Variants in SLC7A10 observed in about 807,000 individuals in gnomAD.
SLC7A10 encodes the protein solute carrier family 7 member 10, also known as asc-type amino acid transporter 1.
Under a neutral mutation model 52.7 loss-of-function variants are expected in SLC7A10, and 30 were observed. The ratio of observed to expected loss-of-function variants is 0.57; its 90% CI spans 0.43 to 0.77. The LOEUF (loss-of-function observed/expected upper bound fraction) is 0.77, where lower values mean the gene tolerates loss of function less well. Among genes scored for constraint, SLC7A10 ranks in the 30% least tolerant of loss-of-function variants. The pLI, the probability that SLC7A10 is intolerant of heterozygous loss-of-function variation, is 0.00. For missense variants in SLC7A10, 581 were observed against 698.5 expected, an observed-to-expected ratio of 0.83 and a Z score of 1.90; for synonymous variants, 318 against 314.9, an observed-to-expected ratio of 1.01 and a Z score of -0.10.
chr19:33,211,387 C>T (rs1361241359), intron 6 of SLC7A10, 27 bp downstream of exon 6: 7 of 1,613,494 alleles, frequency 4.3e-6, no homozygotes, highest in Non-Finnish European at 5.9e-6. Flanking sequence ...TGGGCAGGAG[C>T]CAGGGACCGA....
chr19:33,211,573 C>T (rs1974555537), intron 5 of SLC7A10, 36 bp from the exon 6 acceptor site: 2 of 1,612,608 alleles, frequency 1.2e-6, no homozygotes, highest in Non-Finnish European at 1.7e-6. Flanking sequence ...AGCGTCAGCT[C>T]CTGAGGGTGC....
chr19:33,210,612 C>T lies in SLC7A10; in HGVS notation c.1118G>A (p.Gly373Glu). 6.2e-7 allele frequency: 1 copy of T among 1,611,524 alleles called. No individual in the cohort carries two copies. Among genetic ancestry groups the T allele is most frequent in the Non-Finnish European group, 8.5e-7 (1 of 1,179,942 alleles). ...TPIPALLVCCGATAVIMLVGD... is the reference protein window; with the variant it reads ...TPIPALLVCCEATAVIMLVGD... The stretch of plus-strand genomic sequence containing the variant: ...CACGAGCATGATGACGGCTGTGGCC[C>T]CGCACTGGGAGAGGACCTGGGGCTG... Residue 373 changes from glycine to glutamate, a missense_variant, in exon 9 of 11, where the codon GGG becomes GAG. Coordinates refer to ENST00000253188, the MANE Select transcript of SLC7A10 (RefSeq NM_019849.3). The surrounding 1 kb of genome is among the most constrained non-coding windows in gnomAD (Gnocchi z 5.6).
rs546022981 is a variant in SLC7A10 at position 33,212,841 on chromosome 19, G to T, written c.508+10C>A. On this transcript the variant is annotated intron_variant, in intron 3 of 10. Transcript: ENST00000253188. ...TGATCTGGGGACAGTGGGCCAAAGG[G>T]GATGCTTACTCAGGCAGGCCATGGA... 6.2e-7 allele frequency: 1 copy of T among 1,613,294 alleles called. No individual in the cohort carries two copies. Among genetic ancestry groups the T allele is most frequent in the South Asian group, 1.1e-5 (1 of 91,034 alleles).
At chr19:33,222,423 TATAAAATAAA>T (rs70950366) in intron 1 of SLC7A10, among the ~76,000 whole-genome samples, 12 of 107,114 alleles carry the variant, frequency 1.1e-4, no homozygotes, top group African/African-American at 2.3e-4. Context: ...TAAAATAAAA[TATAAAATAAA>T]ATAAAATAAA....
At position 33,208,752 on chromosome 19, in the gene SLC7A10, C is replaced by T. The variant is rs1476568663; in HGVS notation, c.*139G>A. The T allele has an allele frequency of 9.5e-7, 1 of 1,055,880 alleles. No individual in the cohort carries two copies. Among genetic ancestry groups the T allele is most frequent in the Non-Finnish European group, 1.3e-6 (1 of 748,214 alleles). 65.4% of individuals were successfully genotyped at this position (1,055,880 alleles called of 1,614,324 possible). A position where few individuals can be genotyped will look rare whatever the true frequency, so the allele number is the denominator to read the frequency against. On this transcript the variant is annotated 3_prime_UTR_variant, in exon 11 of 11. Transcript: ENST00000253188. The surrounding 1 kb of genome is among the most constrained non-coding windows in gnomAD (Gnocchi z 4.7). ...AGGAAACCCAGTCCACATTTTAGGG[C>T]TTCCTTAAACAGGCTTCTGAGAGTC...
chr19:33,214,127 G>A (rs535955947), intron 2 of SLC7A10, among the ~76,000 whole-genome samples: 11 of 152,062 alleles, frequency 7.2e-5, no homozygotes, highest in Non-Finnish European at 5.9e-5. Context: ...TCTCCCTCCC[G>A]AACGTCCTCT....
chr19:33,212,415 G>A lies in SLC7A10; in HGVS notation c.665C>T (p.Ala222Val). The change falls in exon 5 of 11, where the codon GCC becomes GTC. Residue 222 changes from alanine to valine, a missense_variant. Physicochemically the swap from Ala to Val is moderately conservative, Grantham distance 64 (BLOSUM62 0). Coordinates refer to ENST00000253188, the MANE Select transcript of SLC7A10 (RefSeq NM_019849.3). ...GGAGGGCGTCATCCAGAAAGCAAAG[G>A]CATTGCTGGGCCTCAGCTCCTCGAA... ...GHFEELRPSN[A>V]FAFWMTPSVG... The A allele has an allele frequency of 6.2e-7, 1 of 1,613,914 alleles. No homozygotes were observed. Among genetic ancestry groups the A allele is most frequent in the Non-Finnish European group, 8.5e-7 (1 of 1,180,046 alleles).
Position 33,210,668 on chromosome 19 carries a change from C to A in SLC7A10, c.1114-52G>T. On this transcript the variant is annotated intron_variant, in intron 8 of 10. Coordinates refer to ENST00000253188, the MANE Select transcript of SLC7A10 (RefSeq NM_019849.3). The surrounding 1 kb of genome is among the most constrained non-coding windows in gnomAD (Gnocchi z 5.6). ...TGGCCCCTAGCCTGCCTCCTGACGC[C>A]CCTGCAGGATGAGCCCTGGCCCCAC... 6.2e-7 allele frequency: 1 copy of A among 1,609,766 alleles called. No individual in the cohort carries two copies. Among genetic ancestry groups the A allele is most frequent in the Non-Finnish European group, 8.5e-7 (1 of 1,179,564 alleles).
intron 1 of SLC7A10, among the ~76,000 whole-genome samples, chr19:33,222,058 T>A (rs1316889427): frequency 2.0e-5 from 3 of 152,086 alleles, no homozygotes; most frequent in Non-Finnish European, 4.4e-5. Flanking sequence ...CCCTCCCCCG[T>A]CAGGGCTCTG....
Position 33,212,852 on chromosome 19 carries a change from C to CCCCTTTGGG in SLC7A10, c.506_507insCCCAAAGGG (p.Leu169_Met170insProLysGly). On this transcript the variant is annotated inframe_insertion and splice_region_variant, in exon 3 of 11. Coordinates refer to ENST00000253188, the MANE Select transcript of SLC7A10 (RefSeq NM_019849.3). ...CAGTGGGCCAAAGGGGATGCTTACT[C>CCCCTTTGGG]AGGCAGGCCATGGACAGCACCCGGG... 1 of 1,613,624 alleles carries CCCCTTTGGG rather than the reference C, an allele frequency of 6.2e-7. No individual in the cohort carries two copies. The highest frequency in any genetic ancestry group is 8.5e-7 in the Non-Finnish European group (1 of 1,179,692).
chr19:33,212,874 C>T lies in SLC7A10; in HGVS notation c.485G>A (p.Arg162Gln), dbSNP rs374673922. 2.3e-5 allele frequency: 37 copies of T among 1,613,890 alleles called. No homozygotes were observed. Among genetic ancestry groups the T allele is most frequent in the Middle Eastern group, 1.6e-4 (1 of 6,076 alleles). ...ACTCAGGCAGGCCATGGACAGCACC[C>T]GGGAGGCTGTGGTGGGGGGGATGCA... The part of the protein sequence containing the change: ...PNCIPPTTAS[R>Q]VLSMACLMLL... Residue 162 changes from arginine (R) to glutamine (Q), a missense_variant, in exon 3 of 11, where the codon CGG becomes CAG. Physicochemically the swap from Arg to Gln is conservative, Grantham distance 43. Coordinates refer to ENST00000253188, the MANE Select transcript of SLC7A10 (RefSeq NM_019849.3).
At chr19:33,215,697 T>C in intron 2 of SLC7A10, 72 bp downstream of exon 2, 1 of 1,426,784 alleles carries the variant, frequency 7.0e-7, no homozygotes. Context: ...GAGTGGAAAC[T>C]GATGCCAGGG....
chr19:33,213,696 G>A (rs1211052783), intron 2 of SLC7A10, among the ~76,000 whole-genome samples: 1 of 152,228 alleles, frequency 6.6e-6, no homozygotes, highest in Non-Finnish European at 1.5e-5. Context: ...CTCTCGCAGA[G>A]TACTGTGGCT....
chr19:33,211,036 C>T, intron 7 of SLC7A10, 138 bp from the exon 8 acceptor site: 1 of 989,728 alleles, frequency 1.0e-6, no homozygotes, highest in Non-Finnish European at 1.6e-6. Flanking sequence ...CCTCATCCAG[C>T]CTGCCTGCCT....
At chr19:33,225,486 T>G in intron 1 of SLC7A10, 67 bp downstream of exon 1, 1 of 1,570,432 alleles carries the variant, frequency 6.4e-7, no homozygotes. Flanking sequence ...GGGACGCCCC[T>G]CGTTCGGAGC....
intron 1 of SLC7A10, among the ~76,000 whole-genome samples, chr19:33,225,300 A>G: frequency 6.6e-6 from 1 of 152,214 alleles, no homozygotes; most frequent in African/African-American, 2.4e-5. Flanking sequence ...TCGAGTCAGG[A>G]GGAAGAGTCC....
At chr19:33,211,956 G>A (rs367849580) in intron 5 of SLC7A10, 32 of 486,768 alleles carry the variant, frequency 6.6e-5, no homozygotes, top group African/African-American at 2.5e-4. Context: ...AGCATCAGAC[G>A]CAGTCATTGG....
intron 1 of SLC7A10, among the ~76,000 whole-genome samples, chr19:33,222,425 T>A (rs62126573): frequency 5.5e-5 from 2 of 36,650 alleles, no homozygotes; most frequent in Non-Finnish European, 2.4e-4. Flanking sequence ...AAATAAAATA[T>A]AAAATAAAAT....
rs1202683458 is a variant in SLC7A10, at chr19:33,210,246, T to G, written c.1263+221A>C. On this transcript the variant is annotated intron_variant, in intron 9 of 10. Transcript: ENST00000253188. This position sits in a 1 kb window ranked among gnomAD's most constrained non-coding sequence, Gnocchi z 5.6. ...AGGCATGAGCCCCTGTGCCCAGTCC[T>G]GAGCCTCATTTTCGCCATCTGTACA... 1.3e-5 allele frequency among the ~76,000 whole-genome samples: 2 copies of G among 152,172 alleles called. No homozygotes were observed. The highest frequency in any genetic ancestry group is 4.8e-5 in the African/African-American group (2 of 41,454).
Sources: gnomAD v4.1 joint callset for allele counts (sites outside exome capture counted in the v4.1 genomes callset) on GRCh38, gnomAD v4.1.1 for gene constraint, Gnocchi (gnomAD v3.1) non-coding constraint, MANE v1.5 for transcripts, NCBI Gene and HGNC (gene_info 2026-07-23, HGNC 2026-07-21) for gene names.